THADA: variants seen among roughly 807,000 people sequenced by gnomAD.
The protein encoded by THADA is THADA armadillo repeat containing.
In THADA, 213 loss-of-function variants were observed where a neutral mutation model predicts 219.8. The ratio of observed to expected loss-of-function variants is 0.97; its 90% CI spans 0.87 to 1.09. The LOEUF (loss-of-function observed/expected upper bound fraction) is 1.09, where lower values mean the gene tolerates loss of function less well. THADA is among the 50% of genes least tolerant of loss of function. The pLI, the probability that THADA is intolerant of heterozygous loss-of-function variation, is 0.00. For missense variants in THADA, 2,956 were observed against 2,311.3 expected (o/e 1.28, Z -5.72); for synonymous variants, 1,018 against 828.9 (o/e 1.23, Z -3.92).
chr2:43,498,219 G>A (rs2105058851), intron 25 of THADA, among the ~76,000 whole-genome samples: 1 of 152,170 alleles, frequency 6.6e-6, no homozygotes, highest in Middle Eastern at 3.4e-3. Flanking sequence ...AGGTTACTAG[G>A]GGTGAGGGAG....
At chr2:43,361,313 C>A (rs1032395471) in intron 29 of THADA, among the ~76,000 whole-genome samples, 1 of 152,214 alleles carries the variant, frequency 6.6e-6, no homozygotes, top group Non-Finnish European at 1.5e-5. Context: ...CCTCTCATAT[C>A]CCATGAGGTT....
chr2:43,534,777 T>C (rs1287160461), intron 21 of THADA, among the ~76,000 whole-genome samples: 1 of 152,174 alleles, frequency 6.6e-6, no homozygotes, highest in African/African-American at 2.4e-5. Context: ...GCAATAAACA[T>C]GGGATTGCAA....
chr2:43,446,433 TG>T, intron 26 of THADA, among the ~76,000 whole-genome samples: 1 of 152,314 alleles, frequency 6.6e-6, no homozygotes, highest in African/African-American at 2.4e-5. Flanking sequence ...TTCACCCTCT[TG>T]AAGTCCTGAC....
At chr2:43,422,670 T>C (rs1411185787) in intron 28 of THADA, among the ~76,000 whole-genome samples, 1 of 152,232 alleles carries the variant, frequency 6.6e-6, no homozygotes. Flanking sequence ...GAATGATATA[T>C]ATCTCTATTA....
intron 31 of THADA, among the ~76,000 whole-genome samples, chr2:43,317,236 T>C (rs895956078): frequency 6.6e-6 from 1 of 152,204 alleles, no homozygotes; most frequent in Non-Finnish European, 1.5e-5. Flanking sequence ...CATACACACA[T>C]AAACACCTTG....
intron 29 of THADA, among the ~76,000 whole-genome samples, chr2:43,368,194 T>C (rs1416524162): frequency 6.6e-6 from 1 of 152,164 alleles, no homozygotes; most frequent in African/African-American, 2.4e-5. Flanking sequence ...AAAGTAGGCT[T>C]ACCAGAAAAG....
chr2:43,234,786 G>A lies in THADA; in HGVS notation c.5297-1904C>T, dbSNP rs148955907. 1.5e-4 allele frequency among the ~76,000 whole-genome samples: 23 copies of A among 150,940 alleles called. No individual in the cohort carries two copies. The East Asian group carries it at 4.4e-3, about 29-fold the overall frequency. On this transcript the variant is annotated intron_variant, in intron 36 of 37. Coordinates refer to ENST00000405975, the MANE Select transcript of THADA (RefSeq NM_022065.5). ...CTCCTGCCTTAGCCCCCAAGTAGCT[G>A]GGACTATAGGCATGTGCCACCACAC... is the stretch of plus-strand genomic sequence containing the variant.
rs1696474203 is a variant in THADA, at chr2:43,549,327, G to T, written c.2989C>A (p.Pro997Thr). The change falls in exon 20 of 38, where the codon CCT becomes ACT. Residue 997 changes from proline to threonine, a missense_variant. Transcript: ENST00000405975. Reference protein sequence around the residue: ...RLQMILNEIQPRDTNDYFNQA... With the variant: ...RLQMILNEIQTRDTNDYFNQA... ...TTAAAATAATCATTAGTATCTCGAG[G>T]CTGAATCTCATTCAGAATCATCTGT... The T allele has an allele frequency of 6.2e-7, 1 of 1,603,236 alleles. No individual in the cohort carries two copies. Among genetic ancestry groups the T allele is most frequent in the South Asian group, 1.1e-5 (1 of 88,548 alleles).
Position 43,390,152 on chromosome 2 carries a change from C to G in THADA, c.4227+7819G>C, listed in dbSNP as rs896088599. On this transcript the variant is annotated intron_variant, in intron 29 of 37. Transcript: ENST00000405975. ...GAAGTAATATGATGGATACTTTGCTCTTTGCCTAAGCTCATCAGAACCATG... is the reference window on the plus strand; with the variant it reads ...GAAGTAATATGATGGATACTTTGCTGTTTGCCTAAGCTCATCAGAACCATG... Among the ~76,000 whole-genome samples the G allele has an allele frequency of 9.2e-5, 14 of 152,314 alleles. No individual in the cohort carries two copies. The East Asian group carries it at 2.5e-3, about 27-fold the overall frequency.
At chr2:43,576,934 G>A (rs1699915882) in intron 10 of THADA, 88 bp downstream of exon 10, 14 of 1,205,688 alleles carry the variant, frequency 1.2e-5, no homozygotes, top group Non-Finnish European at 1.7e-5. Context: ...GCTGGGATTA[G>A]AGGCACAAGC....
At chr2:43,235,288 T>C (rs755993145) in intron 36 of THADA, among the ~76,000 whole-genome samples, 2 of 151,726 alleles carry the variant, frequency 1.3e-5, no homozygotes, top group African/African-American at 4.9e-5. Context: ...CTTATCACTT[T>C]TTTGTTGTTG....
At chr2:43,249,094 T>G (rs1193243852) in intron 36 of THADA, among the ~76,000 whole-genome samples, 2 of 152,046 alleles carry the variant, frequency 1.3e-5, no homozygotes, top group African/African-American at 4.8e-5. Context: ...AGCCTTCCTT[T>G]TTTTTTTGAG....
Position 43,485,200 on chromosome 2 carries a change from A to T in THADA, c.3836+34T>A, listed in dbSNP as rs183523548. 209 of 1,536,018 alleles carry T rather than the reference A, an allele frequency of 1.4e-4. 1 individual carries two copies. Among genetic ancestry groups the T allele is most frequent in the Middle Eastern group, 3.5e-4 (2 of 5,792 alleles). On this transcript the variant is annotated intron_variant, in intron 26 of 37. Transcript: ENST00000405975. ...TGGCCAGGACAATATTGTATTTTTT[A>T]AAAAAAGTAAAGTTAGCCTTAAATG...
intron 36 of THADA, among the ~76,000 whole-genome samples, chr2:43,237,756 G>C (rs1473785229): frequency 6.6e-6 from 1 of 151,986 alleles, no homozygotes; most frequent in Non-Finnish European, 1.5e-5. Context: ...AAGTAAATCT[G>C]TATGACCTTG....
rs1296735987 is a variant in THADA, at chr2:43,552,208, G to A, written c.2806C>T (p.Leu936=). 3 of 1,606,986 alleles carry A rather than the reference G, an allele frequency of 1.9e-6. No individual in the cohort carries two copies. The highest frequency in any genetic ancestry group is 2.5e-6 in the Non-Finnish European group (3 of 1,177,668). ...CITGALQKLS[L]NSLQLVSEWR... ...GGCAGCTGTGGAAATCCTTACTTTA[G>A]AGATAACTTCTGCAAAGCTCCTGTT... The change falls in exon 18 of 38, where the codon CTA becomes TTA. Residue 936 remains leucine (L), a synonymous_variant. Transcript: ENST00000405975.
Position 43,574,755 on chromosome 2 carries a change from A to T in THADA, c.1310T>A (p.Phe437Tyr). 1 of 1,614,046 alleles carries T rather than the reference A, an allele frequency of 6.2e-7. No homozygotes were observed. The highest frequency in any genetic ancestry group is 1.3e-5 in the African/African-American group (1 of 75,072). Residue 437 changes from phenylalanine (F) to tyrosine (Y), a missense_variant, in exon 11 of 38, where the codon TTT becomes TAT. Coordinates refer to ENST00000405975, the MANE Select transcript of THADA (RefSeq NM_022065.5). The stretch of plus-strand genomic sequence containing the variant: ...TAAAAGACTCTCAGTCAATTCCACA[A>T]AGAAAGGATCAGGGACGAAATCTGC... Reference protein sequence around the residue: ...EGADFVPDPFFVELTESLLRL... With the variant: ...EGADFVPDPFYVELTESLLRL...
intron 31 of THADA, among the ~76,000 whole-genome samples, chr2:43,319,313 G>C (rs1409298403): frequency 6.6e-6 from 1 of 152,170 alleles, no homozygotes; most frequent in East Asian, 1.9e-4. Context: ...ATTATGCTGG[G>C]ATAAGAGGCA....
At chr2:43,506,942 A>C (rs1343201034) in intron 23 of THADA, among the ~76,000 whole-genome samples, 1 of 152,232 alleles carries the variant, frequency 6.6e-6, no homozygotes, top group Non-Finnish European at 1.5e-5. Flanking sequence ...TAGTTTATTT[A>C]GGCTCAGATA....
chr2:43,571,213 A>T (rs1413617143), intron 13 of THADA, among the ~76,000 whole-genome samples: 1 of 150,446 alleles, frequency 6.6e-6, no homozygotes, highest in Non-Finnish European at 1.5e-5. Flanking sequence ...CTATGATCAC[A>T]CCACTGCACT....
Sources: allele counts gnomAD v4.1 joint callset (sites outside exome capture counted in the v4.1 genomes callset), GRCh38; gene constraint gnomAD v4.1.1; transcripts MANE v1.5; gene names NCBI Gene and HGNC (gene_info 2026-07-23, HGNC 2026-07-21).